The following TLR7 variants were observed in gnomAD, a reference collection of about 807,000 sequenced individuals.
TLR7 encodes toll-like receptor 7.
In TLR7, 12 loss-of-function variants were observed where a neutral mutation model predicts 38.3. That is an observed-to-expected ratio of 0.31 (90% CI 0.20 to 0.51). The LOEUF is 0.51. Among genes scored for constraint, TLR7 ranks in the 20% least tolerant of loss-of-function variants. The pLI is 0.98. For synonymous variants in TLR7, 285 were observed against 293.8 expected, an observed-to-expected ratio of 0.97 and a Z score of 0.31; for missense variants, 504 against 743.4, an observed-to-expected ratio of 0.68 and a Z score of 3.74.
At chrX:12,868,499 A>T (rs1569106271) in intron 2 of TLR7, among the ~76,000 whole-genome samples, 1 of 111,553 alleles carries the variant, frequency 9.0e-6, no homozygotes, top group Non-Finnish European at 1.9e-5. Context: ...CCCAGTCACT[A>T]GTTGGGGGGG....
In TLR7 at chrX:12,887,543, A is replaced by T; in HGVS notation, c.2035A>T (p.Asn679Tyr). Residue 679 changes from asparagine to tyrosine, a missense_variant, in exon 3 of 3, where the codon AAT becomes TAT. By Grantham distance (143) the Asn-to-Tyr change is moderately radical (BLOSUM62 -2). Transcript: ENST00000380659. ...TGATGGTATGCCTCCAAATCTAAAG[A>T]ATCTCTCTTTGGCCAAAAATGGGCT... ...VFDGMPPNLK[N>Y]LSLAKNGLKS... 8.3e-7 allele frequency: 1 copy of T among 1,211,543 alleles called. No homozygotes were observed. Among genetic ancestry groups the T allele is most frequent in the Non-Finnish European group, 1.1e-6 (1 of 895,456 alleles).
chrX:12,881,228 AAAT>A (rs61216010), intron 2 of TLR7, among the ~76,000 whole-genome samples: 1,059 of 98,747 alleles, frequency 0.011, 17 homozygotes, highest in African/African-American at 0.035. Context: ...ACTCAGTCTC[AAAT>A]AATAATAATA....
chrX:12,888,081 C>T lies in TLR7; in HGVS notation c.2573C>T (p.Thr858Ile). The change falls in exon 3 of 3, where the codon ACA becomes ATA. Residue 858 changes from threonine (T) to isoleucine (I), a missense_variant. By Grantham distance (89) the Thr-to-Ile change is moderately conservative. Coordinates refer to ENST00000380659, the MANE Select transcript of TLR7 (RefSeq NM_016562.4). ...SVSLFLMVMM[T>I]ASHLYFWDVW... ...TCTCTCTTTCTCATGGTGATGATGA[C>T]AGCAAGTCACCTCTATTTCTGGGAT... 8.3e-7 allele frequency: 1 copy of T among 1,210,449 alleles called. No homozygotes were observed. The highest frequency in any genetic ancestry group is 1.1e-6 in the Non-Finnish European group (1 of 894,252).
At chrX:12,878,795 A>G (rs748946698) in intron 2 of TLR7, among the ~76,000 whole-genome samples, 150 of 111,951 alleles carry the variant, frequency 1.3e-3, no homozygotes, top group Non-Finnish European at 2.4e-3. Context: ...ACACTCTTCA[A>G]TCAGATTTTT....
In TLR7 at chrX:12,889,468, G is replaced by A. The variant is rs1191402471; in HGVS notation, c.*810G>A. The A allele has an allele frequency of 8.9e-6, 1 of 111,968 alleles. No homozygotes were observed. Among genetic ancestry groups the A allele is most frequent in the African/African-American group, 3.3e-5 (1 of 30,765 alleles). 9.2% of individuals were successfully genotyped at this position (111,968 alleles called of 1,213,427 possible). A position where few individuals can be genotyped will look rare whatever the true frequency, so the allele number is the denominator to read the frequency against. On this transcript the variant is annotated 3_prime_UTR_variant, in exon 3 of 3. Transcript: ENST00000380659. ...ACCAATTGCTTCCGTGTCATCCAGG[G>A]CCCCATTCTGTGCAGATTGAGTGTG...
Position 12,888,904 on chromosome X carries a change from G to GAA in TLR7, c.*246_*247insAA. The GAA allele has an allele frequency of 1.0e-5, 3 of 293,149 alleles. No homozygotes were observed. Among genetic ancestry groups the GAA allele is most frequent in the Non-Finnish European group, 1.8e-5 (3 of 168,088 alleles). 24.2% of individuals were successfully genotyped at this position (293,149 alleles called of 1,213,427 possible). ...ACTTGAGTCTCTCACCTCAGCTCCT[G>GAA]TAAAAGAGTGGCAAGTAAAAAACAT... On this transcript the variant is annotated 3_prime_UTR_variant, in exon 3 of 3. Transcript: ENST00000380659.
Position 12,873,995 on chromosome X carries a change from G to A in TLR7, c.3+6414G>A, listed in dbSNP as rs909506796. 4.5e-5 allele frequency among the ~76,000 whole-genome samples: 5 copies of A among 112,302 alleles called. No homozygotes were observed. The Admixed American group carries it at 4.7e-4, about 11-fold the overall frequency. ...CTTCCTATTCTTACTATTTCAGAAA[G>A]CTGAATCAAACTAGCAAAATAGTTT... is the stretch of plus-strand genomic sequence containing the variant. On this transcript the variant is annotated intron_variant, in intron 2 of 2. Transcript: ENST00000380659.
At chrX:12,879,965 T>C (rs899779361) in intron 2 of TLR7, among the ~76,000 whole-genome samples, 1 of 111,882 alleles carries the variant, frequency 8.9e-6, no homozygotes, top group African/African-American at 3.3e-5. Context: ...ATAAAAAATA[T>C]CAATAACTAT....
intron 2 of TLR7, among the ~76,000 whole-genome samples, chrX:12,870,849 A>T (rs1190352178): frequency 1.8e-5 from 2 of 112,424 alleles, no homozygotes; most frequent in East Asian, 5.5e-4. Context: ...GGGTAGTGTG[A>T]CAGAGAACCT....
intron 2 of TLR7, 76 bp downstream of exon 2, chrX:12,867,657 GC>G: frequency 9.8e-7 from 1 of 1,019,548 alleles, no homozygotes; most frequent in South Asian, 2.0e-5. Flanking sequence ...GCTGGCAAGA[GC>G]AATATTGAAG....
chrX:12,870,770 G>T (rs755057583), intron 2 of TLR7, among the ~76,000 whole-genome samples: 1 of 112,076 alleles, frequency 8.9e-6, no homozygotes, highest in Non-Finnish European at 1.9e-5. Flanking sequence ...TGGTTTTATT[G>T]TTTGAGTATT....
chrX:12,881,632 C>T (rs976868584), intron 2 of TLR7, among the ~76,000 whole-genome samples: 5 of 106,099 alleles, frequency 4.7e-5, no homozygotes, highest in African/African-American at 1.7e-4. Context: ...GTGGACAATC[C>T]TATATGTCAC....
intron 2 of TLR7, among the ~76,000 whole-genome samples, chrX:12,879,541 G>A (rs888779957): frequency 4.5e-5 from 5 of 111,777 alleles, no homozygotes; most frequent in African/African-American, 1.6e-4. Context: ...GGTCATCTAC[G>A]TCATCTAACT....
Position 12,886,595 on chromosome X carries a change from T to C in TLR7, c.1087T>C (p.Ser363Pro). 2 of 1,212,019 alleles carry C rather than the reference T, an allele frequency of 1.7e-6. No homozygotes were observed. The highest frequency in any genetic ancestry group is 2.2e-6 in the Non-Finnish European group (2 of 895,578). ...LQVYRASMNLSQAFSSLKSLK... is the reference protein window; with the variant it reads ...LQVYRASMNLPQAFSSLKSLK... Reference sequence around the variant, plus strand: ...GGTCTATCGTGCATCTATGAATCTATCACAAGCATTTTCTTCACTGAAAAG... The same window carrying C: ...GGTCTATCGTGCATCTATGAATCTACCACAAGCATTTTCTTCACTGAAAAG... Residue 363 changes from serine (S) to proline (P), a missense_variant, in exon 3 of 3, where the codon TCA becomes CCA. Transcript: ENST00000380659.
chrX:12,876,490 C>T (rs1359306717), intron 2 of TLR7, among the ~76,000 whole-genome samples: 1 of 111,986 alleles, frequency 8.9e-6, no homozygotes, highest in Non-Finnish European at 1.9e-5. Flanking sequence ...TTGAAATTGC[C>T]TGTCTGATCT....
intron 2 of TLR7, among the ~76,000 whole-genome samples, chrX:12,883,557 C>G (rs1452778686): frequency 4.5e-5 from 5 of 111,127 alleles, no homozygotes; most frequent in African/African-American, 1.6e-4. Flanking sequence ...TGGCTCATGA[C>G]TGTAATTTCA....
intron 2 of TLR7, among the ~76,000 whole-genome samples, chrX:12,874,569 A>C (rs2042864296): frequency 9.0e-6 from 1 of 111,417 alleles, no homozygotes; most frequent in East Asian, 2.8e-4. Flanking sequence ...CATTAGAGTC[A>C]TAGAATAAGC....
At position 12,886,096 on chromosome X, in the gene TLR7, G is replaced by A. The variant is rs202057420; in HGVS notation, c.588G>A (p.Glu196=). 6.8e-5 allele frequency: 82 copies of A among 1,211,444 alleles called. No homozygotes were observed. The highest frequency in any genetic ancestry group is 8.8e-5 in the Non-Finnish European group (79 of 895,149). ...CTTGTTATGTTTCATATTCAATAGAGAAAGATGCCTTCCTAAACTTGACAA... is the reference window on the plus strand; with the variant it reads ...CTTGTTATGTTTCATATTCAATAGAAAAAGATGCCTTCCTAAACTTGACAA... The part of the protein sequence containing the change: ...RNPCYVSYSI[E]KDAFLNLTKL... Residue 196 remains glutamate, a synonymous_variant, in exon 3 of 3, where the codon GAG becomes GAA. Transcript: ENST00000380659.
intron 2 of TLR7, among the ~76,000 whole-genome samples, chrX:12,879,988 GAAC>G (rs2042885600): frequency 8.9e-6 from 1 of 112,088 alleles, no homozygotes; most frequent in Non-Finnish European, 1.9e-5. Flanking sequence ...CCTGGAATAA[GAAC>G]AACGTACAGT....
Sources: allele counts gnomAD v4.1 joint callset (sites outside exome capture counted in the v4.1 genomes callset), GRCh38; gene constraint gnomAD v4.1.1; transcripts MANE v1.5; gene names NCBI Gene and HGNC (gene_info 2026-07-23, HGNC 2026-07-21).